The following CADPS variants were observed in gnomAD, a reference collection of about 807,000 sequenced individuals.
CADPS encodes calcium dependent secretion activator, also known as calcium-dependent secretion activator 1.
In CADPS, 57 loss-of-function variants were observed where a neutral mutation model predicts 167.3. The observed-to-expected ratio is 0.34, with a 90% CI of 0.28 to 0.42. The LOEUF is 0.42. CADPS is among the 20% of genes least tolerant of loss of function. The pLI, the probability that CADPS is intolerant of heterozygous loss-of-function variation, is 1.00. For synonymous variants in CADPS, 676 were observed against 635.3 expected, an observed-to-expected ratio of 1.06 and a Z score of -0.96; for missense variants, 1,414 against 1,738.1, an observed-to-expected ratio of 0.81 and a Z score of 3.32.
rs2077043504 is a variant in CADPS at position 62,549,823 on chromosome 3, C to G, written c.1966+80G>C. On this transcript the variant is annotated intron_variant, in intron 11 of 29. Transcript: ENST00000383710. ...ATTTTATAAATTTTAAGTATAAAAG[C>G]AACTAGGTTTTCTAATTCAACTTTG... The G allele has an allele frequency of 1.3e-5, 14 of 1,089,640 alleles. No individual in the cohort carries two copies. In the East Asian group the frequency reaches 3.3e-4, roughly 26 times the overall value. 67.5% of individuals were successfully genotyped at this position (1,089,640 alleles called of 1,614,324 possible). A position where few individuals can be genotyped will look rare whatever the true frequency, so the allele number is the denominator to read the frequency against.
intron 23 of CADPS, among the ~76,000 whole-genome samples, chr3:62,476,745 C>A (rs1430118138): frequency 6.6e-6 from 1 of 152,156 alleles, no homozygotes; most frequent in African/African-American, 2.4e-5. Context: ...GAAGGACATG[C>A]ATGTCTTTCT....
chr3:62,493,150 A>G (rs2064028667), intron 19 of CADPS, among the ~76,000 whole-genome samples: 1 of 152,212 alleles, frequency 6.6e-6, no homozygotes, highest in Non-Finnish European at 1.5e-5. Context: ...TTGAAAACCA[A>G]AAAATATCAG....
intron 9 of CADPS, among the ~76,000 whole-genome samples, chr3:62,566,148 G>C (rs2080140135): frequency 6.6e-6 from 1 of 152,224 alleles, no homozygotes; most frequent in Non-Finnish European, 1.5e-5. Flanking sequence ...TATACTTTCT[G>C]TTTGGTGGTT....
In CADPS at chr3:62,420,904, GCACA is replaced by G. The variant is rs141562033; in HGVS notation, c.3777+17196_3777+17199del. On this transcript the variant is annotated intron_variant, in intron 28 of 29. Coordinates refer to ENST00000383710, the MANE Select transcript of CADPS (RefSeq NM_003716.4). The surrounding 1 kb of genome is among the most constrained non-coding windows in gnomAD (Gnocchi z 4.1). ...CACACACACACACACACACACACAG[GCACA>G]CACACACACACTTGCCAGATCACTT... 1.3e-5 allele frequency among the ~76,000 whole-genome samples: 1 copy of G among 77,912 alleles called. No individual in the cohort carries two copies. 51.1% of individuals were successfully genotyped at this position (77,912 alleles called of 152,430 possible).
At chr3:62,649,450 C>T (rs1197838369) in intron 5 of CADPS, among the ~76,000 whole-genome samples, 1 of 150,582 alleles carries the variant, frequency 6.6e-6, no homozygotes, top group Non-Finnish European at 1.5e-5. Context: ...TGCCCTTTTT[C>T]ACCCCTTGCC....
At chr3:62,475,037 G>T (rs948789614) in intron 23 of CADPS, among the ~76,000 whole-genome samples, 1 of 152,078 alleles carries the variant, frequency 6.6e-6, no homozygotes, top group African/African-American at 2.4e-5. Flanking sequence ...ATTATTTTAT[G>T]ATTTAAAATG....
At chr3:62,513,809 C>A (rs993768208) in intron 16 of CADPS, 4 of 711,672 alleles carry the variant, frequency 5.6e-6, no homozygotes, top group African/African-American at 5.4e-5. Flanking sequence ...AGGAAAATAG[C>A]CACAGAGTAT....
chr3:62,847,259 T>C (rs1559903311), intron 1 of CADPS, among the ~76,000 whole-genome samples: 1 of 109,800 alleles, frequency 9.1e-6, no homozygotes, highest in African/African-American at 2.8e-5. Flanking sequence ...CAGCAGCATT[T>C]TCTTTTTTTT....
chr3:62,477,429 A>G (rs2061470160), intron 23 of CADPS, among the ~76,000 whole-genome samples: 1 of 151,974 alleles, frequency 6.6e-6, no homozygotes, highest in Non-Finnish European at 1.5e-5. Context: ...CCTCAGTGGA[A>G]TTTTATTTCT....
chr3:62,513,836 G>A, intron 16 of CADPS: 1 of 611,922 alleles, frequency 1.6e-6, no homozygotes, highest in Non-Finnish European at 2.9e-6. Context: ...ATAAACACAG[G>A]ATAAAAGAAA....
chr3:62,872,400 G>A (rs1433499165), intron 1 of CADPS, among the ~76,000 whole-genome samples: 1 of 152,066 alleles, frequency 6.6e-6, no homozygotes, highest in South Asian at 2.1e-4. Context: ...TTGTAATAAG[G>A]AGATATATAT....
intron 3 of CADPS, among the ~76,000 whole-genome samples, chr3:62,678,352 T>A (rs1244289750): frequency 1.3e-5 from 2 of 152,156 alleles, no homozygotes; most frequent in Admixed American, 1.3e-4. Flanking sequence ...AAAATCCCCA[T>A]TCTTTTTCCA....
In CADPS at chr3:62,544,843, C is replaced by T. The variant is rs2076212543; in HGVS notation, c.1966+5060G>A. 1 of 1,244,612 alleles carries T rather than the reference C, an allele frequency of 8.0e-7. No homozygotes were observed. Among genetic ancestry groups the T allele is most frequent in the Non-Finnish European group, 1.0e-6 (1 of 968,044 alleles). The allele number at this position is 1,244,612 out of a possible 1,614,324, so 77.1% of individuals were successfully genotyped here. ...GAGCTGTGCTAGCTATAGGGGAGCA[C>T]TTACCCTTCAGTCCAGCTAGAAGTT... On this transcript the variant is annotated intron_variant, in intron 11 of 29. Coordinates refer to ENST00000383710, the MANE Select transcript of CADPS (RefSeq NM_003716.4). The surrounding 1 kb of genome is among the most constrained non-coding windows in gnomAD (Gnocchi z 4.4).
chr3:62,558,538 A>G (rs2078593733), intron 9 of CADPS, among the ~76,000 whole-genome samples: 2 of 152,254 alleles, frequency 1.3e-5, no homozygotes, highest in Non-Finnish European at 2.9e-5. Flanking sequence ...TAAAAGAGAC[A>G]CTTTCTAAGT....
chr3:62,641,658 C>T lies in CADPS; in HGVS notation c.1325+4064G>A, dbSNP rs181794058. On this transcript the variant is annotated intron_variant, in intron 6 of 29. Transcript: ENST00000383710. ...AAAAACAACCTATTGCAAATGGAGA[C>T]AATATTGTAAAATAAGTACGTCTCA... Among the ~76,000 whole-genome samples the T allele has an allele frequency of 2.6e-5, 4 of 152,206 alleles. No individual in the cohort carries two copies. In the East Asian group the frequency reaches 5.8e-4, roughly 22 times the overall value.
intron 13 of CADPS, among the ~76,000 whole-genome samples, chr3:62,531,082 T>C (rs2073557261): frequency 6.6e-6 from 1 of 152,204 alleles, no homozygotes; most frequent in South Asian, 2.1e-4. Flanking sequence ...TCTTACAATA[T>C]GAAATCCAGA....
chr3:62,424,870 C>T (rs1419507790), intron 28 of CADPS, among the ~76,000 whole-genome samples: 1 of 152,158 alleles, frequency 6.6e-6, no homozygotes, highest in African/African-American at 2.4e-5. Context: ...ACAAACTACA[C>T]AAGATACTAT....
intron 28 of CADPS, among the ~76,000 whole-genome samples, chr3:62,416,239 A>G (rs1299229542): frequency 6.6e-6 from 1 of 152,198 alleles, no homozygotes; most frequent in Non-Finnish European, 1.5e-5. Context: ...TACTTCTGAC[A>G]AAAGAACATA....
At chr3:62,698,155 T>C (rs2080689981) in intron 3 of CADPS, among the ~76,000 whole-genome samples, 1 of 152,106 alleles carries the variant, frequency 6.6e-6, no homozygotes. Flanking sequence ...CTTGTAATGG[T>C]TGAGAGACAG....
Sources: gnomAD v4.1 joint callset for allele counts (sites outside exome capture counted in the v4.1 genomes callset) on GRCh38, gnomAD v4.1.1 for gene constraint, Gnocchi (gnomAD v3.1) non-coding constraint, MANE v1.5 for transcripts, NCBI Gene and HGNC (gene_info 2026-07-23, HGNC 2026-07-21) for gene names.